Variants in TRAPPC13 observed in about 807,000 individuals in gnomAD.
The protein encoded by TRAPPC13 is trafficking protein particle complex subunit 13, also known as REV7-interacting novel NHEJ regulator 1.
In TRAPPC13, 39 loss-of-function variants were observed where a neutral mutation model predicts 54.0. The ratio of observed to expected loss-of-function variants is 0.72; its 90% CI spans 0.56 to 0.94. The LOEUF (loss-of-function observed/expected upper bound fraction) is 0.94, where lower values mean the gene tolerates loss of function less well. TRAPPC13 is among the 40% of genes least tolerant of loss of function. TRAPPC13 has a pLI of 0.00. For missense variants in TRAPPC13, 386 were observed against 488.1 expected, an observed-to-expected ratio of 0.79 and a Z score of 1.97; for synonymous variants, 148 against 167.7, an observed-to-expected ratio of 0.88 and a Z score of 0.91.
chr5:65,625,136 T>C (rs1469746909), intron 1 of TRAPPC13, 30 bp downstream of exon 1: 28 of 1,594,470 alleles, frequency 1.8e-5, no homozygotes, highest in Non-Finnish European at 2.3e-5. Context: ...ATTCCCCCTT[T>C]TCTGTTTCCT....
intron 1 of TRAPPC13, among the ~76,000 whole-genome samples, chr5:65,628,706 G>A (rs1339240511): frequency 1.3e-5 from 2 of 151,908 alleles, no homozygotes; most frequent in East Asian, 1.9e-4. Flanking sequence ...TCCTGACCTC[G>A]TGATCTGCCC....
chr5:65,630,298 T>C (rs771009301), intron 1 of TRAPPC13: 1 of 1,530,622 alleles, frequency 6.5e-7, no homozygotes. Context: ...CTGGAAAAAT[T>C]AATTTATTTG....
intron 5 of TRAPPC13, among the ~76,000 whole-genome samples, chr5:65,647,517 T>C (rs1170888467): frequency 6.6e-6 from 1 of 152,158 alleles, no homozygotes; most frequent in Non-Finnish European, 1.5e-5. Flanking sequence ...TTCATAGTGT[T>C]TATTTTTAAA....
intron 1 of TRAPPC13, among the ~76,000 whole-genome samples, chr5:65,627,559 G>A (rs936530852): frequency 6.6e-6 from 1 of 151,952 alleles, no homozygotes; most frequent in Non-Finnish European, 1.5e-5. Flanking sequence ...GACCCTGGGA[G>A]GCGAAGGTTG....
chr5:65,626,698 T>C (rs1755249027), intron 1 of TRAPPC13, among the ~76,000 whole-genome samples: 1 of 151,968 alleles, frequency 6.6e-6, no homozygotes, highest in Admixed American at 6.5e-5. Flanking sequence ...ATCACGCCAC[T>C]GCACGCCATC....
chr5:65,662,700 AC>A (rs1245752204), intron 11 of TRAPPC13: 2 of 152,160 alleles, frequency 1.3e-5, no homozygotes, highest in African/African-American at 4.8e-5. Flanking sequence ...TACTTGTATT[AC>A]CACTTGGTTT....
chr5:65,655,169 A>G (rs1756606051), intron 7 of TRAPPC13, among the ~76,000 whole-genome samples: 1 of 152,228 alleles, frequency 6.6e-6, no homozygotes, highest in African/African-American at 2.4e-5. Context: ...GAAGTGATCA[A>G]CGGAACTCTA....
At chr5:65,626,859 C>G (rs58664534) in intron 1 of TRAPPC13, among the ~76,000 whole-genome samples, 1 of 148,624 alleles carries the variant, frequency 6.7e-6, no homozygotes, top group East Asian at 2.0e-4. Context: ...TTTAAGCAGC[C>G]TAAGCCAGGC....
chr5:65,632,600 C>G (rs1357744014), intron 1 of TRAPPC13, among the ~76,000 whole-genome samples: 1 of 152,092 alleles, frequency 6.6e-6, no homozygotes, highest in Non-Finnish European at 1.5e-5. Context: ...TAATATAATC[C>G]TTTGTATGCA....
rs1403938486 is a variant in TRAPPC13, at chr5:65,662,449, T to TTAA, written c.998+302_998+304dup. The stretch of plus-strand genomic sequence containing the variant: ...ACATGAACTAATAGGTTCTTATGTA[T>TTAA]TAATATATTATGAATTGAAGTAGCA... On this transcript the variant is annotated intron_variant, in intron 11 of 12. Coordinates refer to ENST00000399438, the MANE Select transcript of TRAPPC13 (RefSeq NM_024941.4). 5.0e-4 allele frequency: 93 copies of TTAA among 187,474 alleles called. 1 individual carries two copies. The highest frequency in any genetic ancestry group is 2.2e-3 in the Middle Eastern group (1 of 454). The allele number at this position is 187,474 out of a possible 1,614,324, so 11.6% of individuals were successfully genotyped here.
intron 1 of TRAPPC13, chr5:65,629,502 T>A: frequency 7.0e-7 from 1 of 1,438,582 alleles, no homozygotes. Context: ...AGAGAGACAA[T>A]CTTGCAATAA....
At chr5:65,648,222 C>T (rs1756285019) in intron 5 of TRAPPC13, among the ~76,000 whole-genome samples, 1 of 152,132 alleles carries the variant, frequency 6.6e-6, no homozygotes, top group Non-Finnish European at 1.5e-5. Context: ...AAAGGAATAC[C>T]TATGGCATTT....
chr5:65,655,128 T>A (rs1756604781), intron 7 of TRAPPC13, among the ~76,000 whole-genome samples: 2 of 152,172 alleles, frequency 1.3e-5, no homozygotes, highest in African/African-American at 4.8e-5. Flanking sequence ...GAATTCTCAA[T>A]TTTTTCAAGT....
intron 5 of TRAPPC13, among the ~76,000 whole-genome samples, chr5:65,648,911 T>C (rs561503742): frequency 1.1e-4 from 17 of 152,276 alleles, no homozygotes; most frequent in African/African-American, 3.6e-4. Flanking sequence ...ATAGACAGTA[T>C]TTTTTGGAAA....
Position 65,662,169 on chromosome 5 carries a change from G to A in TRAPPC13, c.998+19G>A. 1 of 1,532,524 alleles carries A rather than the reference G, an allele frequency of 6.5e-7. No homozygotes were observed. Among genetic ancestry groups the A allele is most frequent in the Non-Finnish European group, 8.9e-7 (1 of 1,121,998 alleles). 94.9% of individuals were successfully genotyped at this position (1,532,524 alleles called of 1,614,324 possible). A position where few individuals can be genotyped will look rare whatever the true frequency, so the allele number is the denominator to read the frequency against. On this transcript the variant is annotated intron_variant, in intron 11 of 12. Coordinates refer to ENST00000399438, the MANE Select transcript of TRAPPC13 (RefSeq NM_024941.4). The stretch of plus-strand genomic sequence containing the variant: ...ACTGCAGGTAATGCCACTGTTTGTA[G>A]ATGGATGTCCTTTCTACCTCACCTG...
intron 1 of TRAPPC13, chr5:65,634,777 T>TA (rs1755686211): frequency 6.3e-6 from 1 of 158,434 alleles, no homozygotes; most frequent in South Asian, 2.0e-4. Context: ...TGCATTCCTG[T>TA]AATCCCAACT....
intron 5 of TRAPPC13, 98 bp downstream of exon 5, chr5:65,647,280 C>T: frequency 1.9e-6 from 2 of 1,055,138 alleles, no homozygotes; most frequent in South Asian, 1.8e-5. Flanking sequence ...GCATAGGAAC[C>T]TACTTCAAAA....
intron 9 of TRAPPC13, among the ~76,000 whole-genome samples, chr5:65,660,183 G>A (rs1756800910): frequency 6.6e-6 from 1 of 151,752 alleles, no homozygotes; most frequent in African/African-American, 2.4e-5. Context: ...AGTTTAGAAT[G>A]GTATGTCTCT....
intron 5 of TRAPPC13, among the ~76,000 whole-genome samples, chr5:65,649,951 G>A (rs1756363987): frequency 6.6e-6 from 1 of 150,878 alleles, no homozygotes; most frequent in South Asian, 2.1e-4. Flanking sequence ...CTGCCTTCCG[G>A]GTTCACGCCA....
Sources: allele counts gnomAD v4.1 joint callset (sites outside exome capture counted in the v4.1 genomes callset), GRCh38; gene constraint gnomAD v4.1.1; transcripts MANE v1.5; gene names NCBI Gene and HGNC (gene_info 2026-07-23, HGNC 2026-07-21).